Variants in PDZD2 observed in about 807,000 individuals in gnomAD.
The protein encoded by PDZD2 is PDZ domain containing 2, also known as PDZ domain-containing protein 2.
Under a neutral mutation model 220.7 loss-of-function variants are expected in PDZD2, and 90 were observed. The ratio of observed to expected loss-of-function variants is 0.41; its 90% CI spans 0.34 to 0.49. PDZD2 has a LOEUF of 0.49. Among genes scored for constraint, PDZD2 ranks in the 20% least tolerant of loss-of-function variants. PDZD2 has a pLI of 0.28. For synonymous variants in PDZD2, 1,375 were observed against 1,450.5 expected, an observed-to-expected ratio of 0.95 and a Z score of 1.18; for missense variants, 3,174 against 3,608.5, an observed-to-expected ratio of 0.88 and a Z score of 3.08.
chr5:31,810,332 C>T (rs1038224035), intron 2 of PDZD2, among the ~76,000 whole-genome samples: 5 of 151,230 alleles, frequency 3.3e-5, no homozygotes, highest in Non-Finnish European at 4.4e-5. Context: ...GCGCGATCTC[C>T]GCTCACTGCA....
intron 1 of PDZD2, among the ~76,000 whole-genome samples, chr5:31,739,473 TTGAAGAA>T (rs746726895): frequency 6.6e-6 from 1 of 152,192 alleles, no homozygotes; most frequent in Admixed American, 6.5e-5. Flanking sequence ...ATGTCAGTCT[TTGAAGAA>T]TGATAATTAT....
At position 32,087,825 on chromosome 5, in the gene PDZD2, C is replaced by G. The variant is rs780133074; in HGVS notation, c.4377C>G (p.His1459Gln). The G allele has an allele frequency of 6.2e-7, 1 of 1,612,378 alleles. No individual in the cohort carries two copies. Among genetic ancestry groups the G allele is most frequent in the South Asian group, 1.1e-5 (1 of 90,974 alleles). ...SGSQEGSAQG[H>Q]PPAGAGGGSS... ...CTCAGGAGGGCAGTGCTCAGGGCCA[C>G]CCACCAGCCGGGGCTGGAGGTGGGA... The change falls in exon 20 of 25, where the codon CAC becomes CAG. Residue 1459 changes from histidine (H) to glutamine (Q), a missense_variant. Physicochemically the swap from His to Gln is conservative, Grantham distance 24. Transcript: ENST00000438447. The surrounding 1 kb of genome is among the most constrained non-coding windows in gnomAD (Gnocchi z 4.0).
intron 2 of PDZD2, among the ~76,000 whole-genome samples, chr5:31,850,085 A>C (rs181007442): frequency 1.1e-4 from 15 of 137,674 alleles, no homozygotes; most frequent in South Asian, 9.0e-4. Flanking sequence ...TGTATATATA[A>C]GTATATATAC....
chr5:31,919,404 C>T (rs541027629), intron 2 of PDZD2, among the ~76,000 whole-genome samples: 5 of 150,956 alleles, frequency 3.3e-5, no homozygotes, highest in African/African-American at 1.2e-4. Context: ...TAGAGTGCGG[C>T]GGTACGATCT....
intron 1 of PDZD2, among the ~76,000 whole-genome samples, chr5:31,795,901 A>T (rs180838168): frequency 2.2e-4 from 34 of 152,274 alleles, no homozygotes; most frequent in Non-Finnish European, 3.5e-4. Context: ...TAGCCCATGG[A>T]CACCTAAGAA....
At chr5:32,104,710 T>C (rs1744571538) in intron 24 of PDZD2, among the ~76,000 whole-genome samples, 1 of 68,130 alleles carries the variant, frequency 1.5e-5, no homozygotes, top group South Asian at 6.3e-4. Context: ...CAGAGAAGGC[T>C]CCATCTAAAA....
At position 32,110,381 on chromosome 5, in the gene PDZD2, A is replaced by T. The variant is rs1329170608; in HGVS notation, c.*2246A>T. The T allele has an allele frequency of 1.3e-5, 2 of 152,632 alleles. No individual in the cohort carries two copies. The highest frequency in any genetic ancestry group is 4.8e-5 in the African/African-American group (2 of 41,458). 9.5% of individuals were successfully genotyped at this position (152,632 alleles called of 1,614,324 possible). ...TTGCCAGAAGGTTTCCCTCGCCAAC[A>T]AACAGTTGAAATTTAAGGGAAGAAG... On this transcript the variant is annotated 3_prime_UTR_variant, in exon 25 of 25. Coordinates refer to ENST00000438447, the MANE Select transcript of PDZD2 (RefSeq NM_178140.4).
intron 2 of PDZD2, among the ~76,000 whole-genome samples, chr5:31,897,608 G>A (rs1265328166): frequency 1.3e-5 from 2 of 152,056 alleles, no homozygotes; most frequent in African/African-American, 2.4e-5. Flanking sequence ...CTTTTTCTGG[G>A]GATAGGGCAG....
At chr5:31,887,155 C>T (rs1377552250) in intron 2 of PDZD2, among the ~76,000 whole-genome samples, 1 of 152,184 alleles carries the variant, frequency 6.6e-6, no homozygotes, top group Admixed American at 6.5e-5. Context: ...TTGACCAGTT[C>T]AATGAGTTCT....
chr5:31,644,468 A>G (rs1253378377), intron 1 of PDZD2, among the ~76,000 whole-genome samples: 1 of 152,224 alleles, frequency 6.6e-6, no homozygotes, highest in Non-Finnish European at 1.5e-5. Flanking sequence ...AGCATTTACA[A>G]TTTGAAAACT....
At chr5:32,080,347 C>G (rs1158348299) in intron 19 of PDZD2, among the ~76,000 whole-genome samples, 2 of 54,278 alleles carry the variant, frequency 3.7e-5, no homozygotes, top group South Asian at 1.8e-3. Context: ...GACTCCATCT[C>G]AAAAAAAAAA....
At chr5:31,852,889 G>A (rs544318658) in intron 2 of PDZD2, among the ~76,000 whole-genome samples, 1 of 152,156 alleles carries the variant, frequency 6.6e-6, no homozygotes, top group Non-Finnish European at 1.5e-5. Context: ...GAGCCACTGC[G>A]CCTGGCCCAT....
intron 23 of PDZD2, chr5:32,100,862 A>G: frequency 6.4e-7 from 1 of 1,555,976 alleles, no homozygotes; most frequent in Non-Finnish European, 8.7e-7. Context: ...ATGCTTGCAG[A>G]AAACACAGAA....
chr5:31,768,493 T>C (rs906117406), intron 1 of PDZD2, among the ~76,000 whole-genome samples: 2 of 152,044 alleles, frequency 1.3e-5, no homozygotes, highest in Admixed American at 1.3e-4. Flanking sequence ...ATACAAAAAA[T>C]TAGCTGGGCA....
At chr5:31,747,708 T>G (rs1443147712) in intron 1 of PDZD2, 1 of 152,246 alleles carries the variant, frequency 6.6e-6, no homozygotes, top group Non-Finnish European at 1.5e-5. Context: ...ATCCAATCCT[T>G]GTACCGTGCT....
chr5:31,894,356 G>A (rs1741342504), intron 2 of PDZD2, among the ~76,000 whole-genome samples: 1 of 151,986 alleles, frequency 6.6e-6, no homozygotes, highest in Non-Finnish European at 1.5e-5. Flanking sequence ...CTCTTGAATG[G>A]ACTGGAAGCC....
rs70957998 is a variant in PDZD2 at position 32,025,591 on chromosome 5, C to CT, written c.1408-11612dup. Among the ~76,000 whole-genome samples the CT allele has an allele frequency of 4.9e-3, 328 of 67,518 alleles. 32 individuals are homozygous for CT. The highest frequency in any genetic ancestry group is 5.8e-3 in the Non-Finnish European group (227 of 39,104). 44.3% of individuals were successfully genotyped at this position (67,518 alleles called of 152,430 possible). A position where few individuals can be genotyped will look rare whatever the true frequency, so the allele number is the denominator to read the frequency against. On this transcript the variant is annotated intron_variant, in intron 6 of 24. Transcript: ENST00000438447. ...AGTGAGCCCAAATGTAACCATGATG[C>CT]TTTTTTTTTTTTTTTTTTTTTTTTT...
chr5:31,913,021 G>A (rs890407594), intron 2 of PDZD2, among the ~76,000 whole-genome samples: 2 of 152,194 alleles, frequency 1.3e-5, no homozygotes, highest in African/African-American at 2.4e-5. Context: ...AGCATCACAT[G>A]TAGGCCCAAG....
At chr5:31,983,134 G>A (rs1750430436) in intron 2 of PDZD2, 21 bp from the exon 3 acceptor site, 3 of 1,600,962 alleles carry the variant, frequency 1.9e-6, no homozygotes, top group East Asian at 4.5e-5. Flanking sequence ...GTTCTAACTG[G>A]CACCTCTCTG....
Sources: gnomAD v4.1 joint callset for allele counts (sites outside exome capture counted in the v4.1 genomes callset) on GRCh38, gnomAD v4.1.1 for gene constraint, Gnocchi (gnomAD v3.1) non-coding constraint, MANE v1.5 for transcripts, NCBI Gene and HGNC (gene_info 2026-07-23, HGNC 2026-07-21) for gene names.